The following SLC9A7 variants were observed in gnomAD, a reference collection of about 807,000 sequenced individuals.
SLC9A7 encodes the protein solute carrier family 9 member A7, also known as sodium/hydrogen exchanger 7.
A neutral mutation model predicts 52.6 loss-of-function variants in SLC9A7; 19 were observed. That is an observed-to-expected ratio of 0.36 (90% CI 0.25 to 0.53). The LOEUF is 0.53. Ranked by LOEUF, SLC9A7 falls within the 20% of genes least tolerant of loss-of-function variation. The pLI is 0.91. For synonymous variants in SLC9A7, 226 were observed against 252.1 expected (o/e 0.90, Z 0.98); for missense variants, 455 against 597.9 (o/e 0.76, Z 2.49).
intron 11 of SLC9A7, 88 bp downstream of exon 11, chrX:46,648,597 CT>C: frequency 4.3e-6 from 3 of 700,087 alleles, no homozygotes; most frequent in Non-Finnish European, 4.4e-6. Flanking sequence ...GAATGCTTGT[CT>C]TTTTATGAAC....
At chrX:46,742,820 T>C (rs919363644) in intron 1 of SLC9A7, among the ~76,000 whole-genome samples, 2 of 111,679 alleles carry the variant, frequency 1.8e-5, no homozygotes, top group Admixed American at 1.9e-4. Context: ...GAGGCCAAGG[T>C]GGGAGGATCA....
At chrX:46,701,544 G>A (rs1165710306) in intron 1 of SLC9A7, among the ~76,000 whole-genome samples, 2 of 111,572 alleles carry the variant, frequency 1.8e-5, no homozygotes, top group East Asian at 5.6e-4. Flanking sequence ...CCGAGATCAC[G>A]CCACTGCATT....
In SLC9A7 at chrX:46,711,899, T is replaced by TACACACACACACACACAC. The variant is rs57570264; in HGVS notation, c.326-29382_326-29365dup. On this transcript the variant is annotated intron_variant, in intron 1 of 16. Coordinates refer to ENST00000616978, the MANE Select transcript of SLC9A7 (RefSeq NM_001257291.2). ...CCCTTTAACGGCACAGCCTCTAAATTACACACACACACACACACACACACA... is the reference window on the plus strand; with the variant it reads ...CCCTTTAACGGCACAGCCTCTAAATTACACACACACACACACACACACACACACACACACACACACACA... 1.5e-3 allele frequency among the ~76,000 whole-genome samples: 141 copies of TACACACACACACACACAC among 91,178 alleles called. 1 individual carries two copies. Among genetic ancestry groups the TACACACACACACACACAC allele is most frequent in the African/African-American group, 5.2e-3 (119 of 23,068 alleles). 79.2% of individuals were successfully genotyped at this position (91,178 alleles called of 115,157 possible).
At chrX:46,693,344 C>T (rs1017802079) in intron 1 of SLC9A7, among the ~76,000 whole-genome samples, 2 of 111,575 alleles carry the variant, frequency 1.8e-5, no homozygotes, top group African/African-American at 6.5e-5. Flanking sequence ...CATTTCAAAA[C>T]TCACTACAAA....
At chrX:46,716,980 G>C (rs1457631216) in intron 1 of SLC9A7, among the ~76,000 whole-genome samples, 3 of 111,656 alleles carry the variant, frequency 2.7e-5, no homozygotes, top group Non-Finnish European at 1.9e-5. Flanking sequence ...TGGACACCTG[G>C]TCTCATGAGT....
At chrX:46,639,312 C>T (rs866430726) in intron 12 of SLC9A7, among the ~76,000 whole-genome samples, 46 of 101,021 alleles carry the variant, frequency 4.6e-4, no homozygotes, top group Non-Finnish European at 7.2e-4. Context: ...GATGGAGTCT[C>T]GCTCTGTCGC....
At chrX:46,618,614 A>G (rs907596481) in intron 15 of SLC9A7, among the ~76,000 whole-genome samples, 1 of 112,176 alleles carries the variant, frequency 8.9e-6, no homozygotes, top group African/African-American at 3.2e-5. Flanking sequence ...AGATCAATAC[A>G]TTGGATTAAG....
At chrX:46,755,601 TG>T (rs1479809197) in intron 1 of SLC9A7, among the ~76,000 whole-genome samples, 2 of 109,675 alleles carry the variant, frequency 1.8e-5, no homozygotes, top group Non-Finnish European at 3.8e-5. Context: ...GAGGCTGAGG[TG>T]GGTGGAGGTC....
At chrX:46,699,814 C>G (rs1038726871) in intron 1 of SLC9A7, among the ~76,000 whole-genome samples, 8 of 111,574 alleles carry the variant, frequency 7.2e-5, no homozygotes, top group African/African-American at 2.6e-4. Context: ...CTTTAAAATG[C>G]TTCTAAAATA....
chrX:46,642,718 C>G (rs1036955664), intron 12 of SLC9A7, among the ~76,000 whole-genome samples: 3 of 112,066 alleles, frequency 2.7e-5, no homozygotes, highest in Admixed American at 1.9e-4. Context: ...CAGAGGACAT[C>G]CATGAAACTG....
chrX:46,732,913 C>T (rs934224886), intron 1 of SLC9A7, among the ~76,000 whole-genome samples: 13 of 112,118 alleles, frequency 1.2e-4, no homozygotes, highest in Admixed American at 7.6e-4. Flanking sequence ...AATACCTCTT[C>T]GTACCAATAT....
intron 15 of SLC9A7, among the ~76,000 whole-genome samples, chrX:46,617,610 T>C (rs1458300118): frequency 8.9e-6 from 1 of 112,588 alleles, no homozygotes; most frequent in Non-Finnish European, 1.9e-5. Flanking sequence ...GTTCTTAACA[T>C]TCTTTAATAA....
At chrX:46,687,232 G>A (rs1023612370) in intron 1 of SLC9A7, among the ~76,000 whole-genome samples, 6 of 111,652 alleles carry the variant, frequency 5.4e-5, no homozygotes, top group Non-Finnish European at 7.5e-5. Flanking sequence ...CCTTTGTTAC[G>A]GAGGAGAACA....
At chrX:46,706,746 G>C (rs1209559438) in intron 1 of SLC9A7, among the ~76,000 whole-genome samples, 2 of 111,210 alleles carry the variant, frequency 1.8e-5, no homozygotes. Flanking sequence ...TCTGCCCAGG[G>C]GCAGCCATTC....
At chrX:46,696,991 C>T (rs1396512340) in intron 1 of SLC9A7, among the ~76,000 whole-genome samples, 2 of 111,833 alleles carry the variant, frequency 1.8e-5, no homozygotes, top group Admixed American at 1.9e-4. Flanking sequence ...TGTGCCAATC[C>T]ACCCCAACCG....
At chrX:46,740,137 C>G (rs1645445216) in intron 1 of SLC9A7, among the ~76,000 whole-genome samples, 1 of 111,422 alleles carries the variant, frequency 9.0e-6, no homozygotes, top group Admixed American at 9.6e-5. Context: ...GTCCACAGTT[C>G]AAGAAAAATA....
rs779161652 is a variant in SLC9A7 at position 46,606,947 on chromosome X, G to A, written c.*5C>T. ...ACCCCATCGCGCCAGGGCTTGGGGG[G>A]AAAGTCAAGCATTATCTTCCAGGGG... On this transcript the variant is annotated 3_prime_UTR_variant, in exon 17 of 17. Coordinates refer to ENST00000616978, the MANE Select transcript of SLC9A7 (RefSeq NM_001257291.2). 2.5e-6 allele frequency: 3 copies of A among 1,211,450 alleles called. No individual in the cohort carries two copies. The South Asian group carries it at 5.3e-5, about 21-fold the overall frequency.
intron 12 of SLC9A7, among the ~76,000 whole-genome samples, chrX:46,641,925 T>G (rs1943412237): frequency 8.9e-6 from 1 of 112,257 alleles, no homozygotes; most frequent in South Asian, 3.7e-4. Context: ...GTATGGTATC[T>G]GGAACAATGC....
chrX:46,730,670 TTATATATATATATATA>T (rs57157177), intron 1 of SLC9A7, among the ~76,000 whole-genome samples: 22,733 of 42,934 alleles, frequency 0.53, 4,154 homozygotes, highest in Middle Eastern at 0.75. Context: ...AAAAAAAAAA[TTATATATATATATATA>T]TATATATATA....
Sources: allele counts gnomAD v4.1 joint callset (sites outside exome capture counted in the v4.1 genomes callset), GRCh38; gene constraint gnomAD v4.1.1; transcripts MANE v1.5; gene names NCBI Gene and HGNC (gene_info 2026-07-23, HGNC 2026-07-21).